PTPRM: variants seen among roughly 807,000 people sequenced by gnomAD.
PTPRM encodes the protein protein tyrosine phosphatase receptor type M.
PTPRM carries 47 observed loss-of-function variants against 186.7 expected under a neutral mutation model. The ratio of observed to expected loss-of-function variants is 0.25; its 90% confidence interval spans 0.20 to 0.32. PTPRM has a LOEUF of 0.32. Ranked by LOEUF, PTPRM falls within the 10% of genes least tolerant of loss-of-function variation. The probability of loss-of-function intolerance (pLI) is 1.00; values close to 1 mark genes in which losing one functional copy is unlikely to be tolerated. For missense variants in PTPRM, 1,494 were observed against 1,865.0 expected (o/e 0.80, Z 3.66); for synonymous variants, 668 against 674.9 (o/e 0.99, Z 0.16).
chr18:7,591,830 C>T (rs1270681861), intron 1 of PTPRM, among the ~76,000 whole-genome samples: 1 of 152,106 alleles, frequency 6.6e-6, no homozygotes, highest in East Asian at 1.9e-4. Context: ...TTGACAGCTG[C>T]CTTCTGCATG....
chr18:8,083,979 T>G (rs575737568), intron 9 of PTPRM, among the ~76,000 whole-genome samples: 3 of 152,234 alleles, frequency 2.0e-5, no homozygotes, highest in East Asian at 1.9e-4. Context: ...CATTTATGTT[T>G]CATTAAGGTT....
chr18:8,154,500 G>C (rs202063119), intron 14 of PTPRM: 1 of 152,208 alleles, frequency 6.6e-6, no homozygotes, highest in East Asian at 1.9e-4. Context: ...GCCATCGTCT[G>C]TACTTGTCAC....
intron 1 of PTPRM, among the ~76,000 whole-genome samples, chr18:7,713,904 T>C (rs995921950): frequency 6.6e-5 from 10 of 152,080 alleles, no homozygotes; most frequent in African/African-American, 2.4e-4. Context: ...CAAAGAGACT[T>C]AGACTCCCAC....
intron 23 of PTPRM, among the ~76,000 whole-genome samples, chr18:8,357,999 G>T (rs2148367890): frequency 6.6e-6 from 1 of 152,218 alleles, no homozygotes; most frequent in South Asian, 2.1e-4. Context: ...TTAGAGTAAT[G>T]AGGTTTCTTA....
intron 1 of PTPRM, among the ~76,000 whole-genome samples, chr18:7,729,580 T>C (rs2040616522): frequency 6.6e-6 from 1 of 152,136 alleles, no homozygotes; most frequent in South Asian, 2.1e-4. Context: ...GTAGAGTTGA[T>C]GTCAAATGGA....
At chr18:8,246,478 T>C (rs1326702900) in intron 15 of PTPRM, among the ~76,000 whole-genome samples, 1 of 152,168 alleles carries the variant, frequency 6.6e-6, no homozygotes, top group African/African-American at 2.4e-5. Context: ...GTTTTTATGC[T>C]AGAAGATGAA....
At chr18:8,402,236 C>T (rs2095876069) in intron 32 of PTPRM, among the ~76,000 whole-genome samples, 1 of 152,204 alleles carries the variant, frequency 6.6e-6, no homozygotes, top group Non-Finnish European at 1.5e-5. Flanking sequence ...AATTTGTGGT[C>T]TTCCTTCTCT....
chr18:8,248,075 T>G lies in PTPRM; in HGVS notation c.2528-75T>G. 2.1e-6 allele frequency: 3 copies of G among 1,405,096 alleles called. No homozygotes were observed. In the South Asian group the frequency reaches 3.5e-5, roughly 16 times the overall value. 87.0% of individuals were successfully genotyped at this position (1,405,096 alleles called of 1,614,324 possible). A position where few individuals can be genotyped will look rare whatever the true frequency, so the allele number is the denominator to read the frequency against. ...CAGCTTTCTATGCAGAAAATAGGGG[T>G]GGGCATTCATCAATCATTTACTGTT... On this transcript the variant is annotated intron_variant, in intron 16 of 32. Transcript: ENST00000580170.
chr18:7,945,252 G>C (rs887821097), intron 5 of PTPRM, among the ~76,000 whole-genome samples: 1 of 148,924 alleles, frequency 6.7e-6, no homozygotes, highest in African/African-American at 2.5e-5. Context: ...AGGAGATTGA[G>C]ACCATCCTGG....
intron 20 of PTPRM, among the ~76,000 whole-genome samples, chr18:8,301,527 T>C (rs2095157896): frequency 6.6e-6 from 1 of 152,194 alleles, no homozygotes; most frequent in South Asian, 2.1e-4. Context: ...TGCAGAAGCT[T>C]CCCAGGCTCC....
chr18:8,304,208 A>G (rs2095193883), intron 20 of PTPRM, among the ~76,000 whole-genome samples: 1 of 152,220 alleles, frequency 6.6e-6, no homozygotes, highest in South Asian at 2.1e-4. Flanking sequence ...GTCATGTTTA[A>G]TATGGAAGTG....
chr18:8,305,801 CT>C (rs2095215168), intron 20 of PTPRM, among the ~76,000 whole-genome samples: 1 of 152,182 alleles, frequency 6.6e-6, no homozygotes, highest in African/African-American at 2.4e-5. Context: ...TTCTGCCCTG[CT>C]CTGCTGTTCC....
intron 11 of PTPRM, among the ~76,000 whole-genome samples, chr18:8,091,028 G>C (rs2090692114): frequency 6.6e-6 from 1 of 152,116 alleles, no homozygotes; most frequent in South Asian, 2.1e-4. Context: ...GCCTCACTAA[G>C]ACATTATTTT....
At chr18:8,253,933 T>C (rs1361444849) in intron 19 of PTPRM, among the ~76,000 whole-genome samples, 2 of 152,184 alleles carry the variant, frequency 1.3e-5, no homozygotes, top group Non-Finnish European at 2.9e-5. Context: ...CTTTTTTTCT[T>C]CTTCCCTCTG....
intron 4 of PTPRM, among the ~76,000 whole-genome samples, chr18:7,908,059 G>T (rs1452960374): frequency 6.6e-6 from 1 of 152,100 alleles, no homozygotes; most frequent in East Asian, 1.9e-4. Context: ...GCCTACTGGT[G>T]CAGTGTTGAG....
chr18:8,157,079 A>G (rs974772658), intron 14 of PTPRM, among the ~76,000 whole-genome samples: 9 of 152,030 alleles, frequency 5.9e-5, no homozygotes, highest in Non-Finnish European at 1.3e-4. Flanking sequence ...CCGTGGTGAA[A>G]GTGGAGACCC....
chr18:8,158,664 G>A (rs1420062669), intron 14 of PTPRM, among the ~76,000 whole-genome samples: 1 of 152,122 alleles, frequency 6.6e-6, no homozygotes, highest in Non-Finnish European at 1.5e-5. Context: ...AAGAAAAGAG[G>A]TTTAACTGGC....
At chr18:7,917,512 G>A (rs1200582958) in intron 4 of PTPRM, among the ~76,000 whole-genome samples, 1 of 152,114 alleles carries the variant, frequency 6.6e-6, no homozygotes, top group Non-Finnish European at 1.5e-5. Context: ...CTCCAGCCTG[G>A]GCGACAGAGT....
At chr18:7,763,426 C>G (rs1266362312) in intron 1 of PTPRM, among the ~76,000 whole-genome samples, 1 of 152,158 alleles carries the variant, frequency 6.6e-6, no homozygotes. Context: ...CCTTCCTTTT[C>G]AATGTTGAAA....
Sources: gnomAD v4.1 joint callset for allele counts (sites outside exome capture counted in the v4.1 genomes callset) on GRCh38, gnomAD v4.1.1 for gene constraint, MANE v1.5 for transcripts, NCBI Gene and HGNC (gene_info 2026-07-23, HGNC 2026-07-21) for gene names.